Variants in SAMMSON observed in about 807,000 individuals in gnomAD.
The protein encoded by SAMMSON is survival associated mitochondrial melanoma specific oncogenic non-coding RNA.
chr3:70,339,013 T>G (rs1332236117), intron 7 of SAMMSON, among the ~76,000 whole-genome samples: 3 of 152,112 alleles, frequency 2.0e-5, no homozygotes, highest in Admixed American at 6.5e-5. Flanking sequence ...ACTACAAGGC[T>G]ACAGTAACCA....
chr3:70,243,723 A>G (rs1290682213), intron 4 of SAMMSON, among the ~76,000 whole-genome samples: 1 of 152,116 alleles, frequency 6.6e-6, no homozygotes, highest in Non-Finnish European at 1.5e-5. Flanking sequence ...AATCACCCTC[A>G]GTTGGGCATC....
At chr3:70,016,956 T>G (rs1028903164) in intron 3 of SAMMSON, among the ~76,000 whole-genome samples, 3 of 152,202 alleles carry the variant, frequency 2.0e-5, no homozygotes, top group African/African-American at 7.2e-5. Flanking sequence ...ATATCTGTTT[T>G]GGTACCAGTA....
chr3:70,434,042 G>C (rs546210583), intron 2 of SAMMSON, among the ~76,000 whole-genome samples: 1 of 152,038 alleles, frequency 6.6e-6, no homozygotes, highest in Non-Finnish European at 1.5e-5. Context: ...CTTGATTGAC[G>C]TAGCTTTATA....
chr3:70,063,413 G>A (rs777894928), intron 3 of SAMMSON, among the ~76,000 whole-genome samples: 4 of 152,028 alleles, frequency 2.6e-5, no homozygotes, highest in Non-Finnish European at 4.4e-5. Context: ...CCTTGCTCTT[G>A]CTTGAAGATG....
At chr3:70,117,647 A>G (rs1457869882) in intron 4 of SAMMSON, among the ~76,000 whole-genome samples, 1 of 152,122 alleles carries the variant, frequency 6.6e-6, no homozygotes, top group African/African-American at 2.4e-5. Context: ...ACCCCCTGAT[A>G]ATCTTCCTTT....
At chr3:70,125,546 G>A (rs2067454439) in intron 4 of SAMMSON, 1 of 696,202 alleles carries the variant, frequency 1.4e-6, no homozygotes, top group South Asian at 1.5e-5. Context: ...TCCTATACTG[G>A]ATGCATCAGC....
intron 6 of SAMMSON, among the ~76,000 whole-genome samples, chr3:70,262,983 T>C (rs1608098): frequency 0.13 from 19,351 of 152,242 alleles, 1,329 homozygotes; most frequent in East Asian, 0.23. Flanking sequence ...CTGTTAATAC[T>C]ATCCAGGGAA....
rs1484914712 is a variant in SAMMSON at position 70,365,985 on chromosome 3, T to C, written n.913+7661T>C. Among the ~76,000 whole-genome samples, 2 of 18,966 alleles carry C rather than the reference T, an allele frequency of 1.1e-4. 1 individual carries two copies. The highest frequency in any genetic ancestry group is 2.4e-4 in the Non-Finnish European group (2 of 8,288). The allele number at this position is 18,966 out of a possible 152,430, so 12.4% of individuals were successfully genotyped here. A position where few individuals can be genotyped will look rare whatever the true frequency, so the allele number is the denominator to read the frequency against. ...TTTACCTTTTCTTTTTTTTTTTTTTTTTTTTTTTTTTTTTTTGAGACGGAG... is the reference window on the plus strand; with the variant it reads ...TTTACCTTTTCTTTTTTTTTTTTTTCTTTTTTTTTTTTTTTTGAGACGGAG... On this transcript the variant is annotated intron_variant and non_coding_transcript_variant, in intron 9 of 9. Transcript: ENST00000642114.
At chr3:70,329,227 G>A (rs1040833025) in intron 7 of SAMMSON, among the ~76,000 whole-genome samples, 3 of 152,080 alleles carry the variant, frequency 2.0e-5, no homozygotes, top group African/African-American at 7.2e-5. Context: ...AAAAGTGAAG[G>A]ATTAACCATA....
intron 3 of SAMMSON, among the ~76,000 whole-genome samples, chr3:70,041,582 C>G (rs543489284): frequency 1.3e-5 from 2 of 151,746 alleles, no homozygotes; most frequent in East Asian, 3.9e-4. Context: ...ACAGTCAGCC[C>G]TTTGAATCTG....
intron 4 of SAMMSON, among the ~76,000 whole-genome samples, chr3:70,121,128 C>T (rs778833382): frequency 2.0e-4 from 30 of 152,260 alleles, no homozygotes; most frequent in Middle Eastern, 3.4e-3. Flanking sequence ...CAATAGGGTT[C>T]GCGCTCCTAT....
chr3:70,293,074 A>G lies in SAMMSON; in HGVS notation n.739+1831A>G, dbSNP rs73102698. On this transcript the variant is annotated intron_variant and non_coding_transcript_variant, in intron 7 of 9. Coordinates refer to ENST00000642114, the Ensembl canonical transcript of SAMMSON. The stretch of plus-strand genomic sequence containing the variant: ...AAAAAAAAAAAAAAAAAAAAAAAGT[A>G]GCATATTACATGACGAGAAGAAAGA... 8.6e-4 allele frequency among the ~76,000 whole-genome samples: 119 copies of G among 138,728 alleles called. 1 individual carries two copies. The highest frequency in any genetic ancestry group is 1.5e-3 in the Non-Finnish European group (97 of 63,768). The allele number at this position is 138,728 out of a possible 152,430, so 91.0% of individuals were successfully genotyped here.
At chr3:70,063,570 T>G (rs1576112424) in intron 3 of SAMMSON, among the ~76,000 whole-genome samples, 1 of 152,214 alleles carries the variant, frequency 6.6e-6, no homozygotes, top group South Asian at 2.1e-4. Context: ...TGAGCAGCCC[T>G]TCCCCCGCAA....
At chr3:70,170,241 A>C (rs1700924377) in intron 4 of SAMMSON, among the ~76,000 whole-genome samples, 1 of 151,918 alleles carries the variant, frequency 6.6e-6, no homozygotes, top group Non-Finnish European at 1.5e-5. Flanking sequence ...TATTTTGTGC[A>C]GATGTAGGAA....
At chr3:70,288,194 T>G (rs1383127219) in intron 6 of SAMMSON, among the ~76,000 whole-genome samples, 1 of 141,210 alleles carries the variant, frequency 7.1e-6, no homozygotes, top group Non-Finnish European at 1.5e-5. Flanking sequence ...TTGTGGGCAT[T>G]TAGTGCTATA....
chr3:70,134,222 T>C (rs1576131066), intron 4 of SAMMSON, among the ~76,000 whole-genome samples: 1 of 150,994 alleles, frequency 6.6e-6, no homozygotes, highest in East Asian at 2.0e-4. Flanking sequence ...ATTGTGCCAC[T>C]GCACTCCAGT....
rs2067503124 is a variant in SAMMSON at position 70,135,714 on chromosome 3, C to T, written n.507+64149C>T. On this transcript the variant is annotated intron_variant and non_coding_transcript_variant, in intron 4 of 9. Transcript: ENST00000642114. ...TTTTCCATACATAAAATTCCTTTTC[C>T]AAAAATATATTCTATATGTTATGTA... 9.2e-5 allele frequency among the ~76,000 whole-genome samples: 14 copies of T among 152,216 alleles called. No individual in the cohort carries two copies. In the South Asian group the frequency reaches 2.9e-3, roughly 32 times the overall value.
chr3:70,403,660 GC>G (rs1701158310), intron 2 of SAMMSON, among the ~76,000 whole-genome samples: 1 of 152,098 alleles, frequency 6.6e-6, no homozygotes, highest in South Asian at 2.1e-4. Flanking sequence ...GACTCTCTAG[GC>G]CACAAAGTCT....
At chr3:70,036,666 T>A (rs1045489425) in intron 3 of SAMMSON, among the ~76,000 whole-genome samples, 2 of 152,146 alleles carry the variant, frequency 1.3e-5, no homozygotes, top group Non-Finnish European at 2.9e-5. Context: ...TGTCTCATAA[T>A]GAATTCAACC....
Sources: allele counts gnomAD v4.1 joint callset (sites outside exome capture counted in the v4.1 genomes callset), GRCh38; gene constraint gnomAD v4.1.1; transcripts MANE v1.5; gene names NCBI Gene and HGNC (gene_info 2026-07-23, HGNC 2026-07-21).